CNTNAP2: variants seen among roughly 807,000 people sequenced by gnomAD.
CNTNAP2 encodes the protein contactin associated protein 2, also known as contactin-associated protein-like 2.
A neutral mutation model predicts 155.2 loss-of-function variants in CNTNAP2; 98 were observed. The ratio of observed to expected loss-of-function variants is 0.63; its 90% CI spans 0.54 to 0.75. The LOEUF (loss-of-function observed/expected upper bound fraction) is 0.75. CNTNAP2 is among the 30% of genes least tolerant of loss of function. The pLI is 0.00. For synonymous variants in CNTNAP2, 651 were observed against 631.2 expected, an observed-to-expected ratio of 1.03 and a Z score of -0.47; for missense variants, 1,727 against 1,688.1, an observed-to-expected ratio of 1.02 and a Z score of -0.40.
chr7:147,986,754 T>A (rs1292217550), intron 15 of CNTNAP2, among the ~76,000 whole-genome samples: 1 of 152,182 alleles, frequency 6.6e-6, no homozygotes, highest in Non-Finnish European at 1.5e-5. Context: ...TCAGAACTCT[T>A]AATCTTACTC....
At chr7:146,340,011 T>C (rs866892052) in intron 1 of CNTNAP2, among the ~76,000 whole-genome samples, 4 of 151,246 alleles carry the variant, frequency 2.6e-5, no homozygotes, top group African/African-American at 9.7e-5. Context: ...CTACTAGAAA[T>C]ACAAAAAATT....
chr7:146,973,904 T>C (rs1584759546), intron 3 of CNTNAP2, among the ~76,000 whole-genome samples: 1 of 152,316 alleles, frequency 6.6e-6, no homozygotes, highest in Middle Eastern at 3.4e-3. Flanking sequence ...TTCATGAATA[T>C]GAATTGAGCT....
chr7:147,906,290 CA>C (rs1466650212), intron 14 of CNTNAP2, among the ~76,000 whole-genome samples: 1 of 151,958 alleles, frequency 6.6e-6, no homozygotes, highest in Non-Finnish European at 1.5e-5. Flanking sequence ...CTCCCCGGTT[CA>C]AGCAATTCTC....
intron 15 of CNTNAP2, among the ~76,000 whole-genome samples, chr7:148,049,467 G>A (rs761060062): frequency 1.3e-5 from 2 of 151,878 alleles, no homozygotes; most frequent in African/African-American, 2.4e-5. Flanking sequence ...TACAAATTTG[G>A]ATATAAGAAA....
At chr7:147,478,319 AT>A (rs1798358054) in intron 10 of CNTNAP2, among the ~76,000 whole-genome samples, 1 of 151,780 alleles carries the variant, frequency 6.6e-6, no homozygotes. Context: ...CAGCCAGCTA[AT>A]TTTTGTATTT....
chr7:147,670,557 CTG>C (rs1795770055), intron 13 of CNTNAP2, among the ~76,000 whole-genome samples: 1 of 152,178 alleles, frequency 6.6e-6, no homozygotes, highest in South Asian at 2.1e-4. Context: ...ACATCAGAGA[CTG>C]TGGCTGGATG....
chr7:147,356,322 T>C (rs543416082), intron 9 of CNTNAP2, among the ~76,000 whole-genome samples: 45 of 152,112 alleles, frequency 3.0e-4, no homozygotes, highest in African/African-American at 1.1e-3. Flanking sequence ...CCACAGCCAA[T>C]ATCATATTGA....
intron 8 of CNTNAP2, among the ~76,000 whole-genome samples, chr7:147,252,224 C>G (rs1233159100): frequency 6.6e-6 from 1 of 152,128 alleles, no homozygotes; most frequent in Non-Finnish European, 1.5e-5. Context: ...AAAGATTAGG[C>G]TACTTGTAAG....
intron 13 of CNTNAP2, among the ~76,000 whole-genome samples, chr7:147,837,477 C>T (rs924022462): frequency 6.6e-6 from 1 of 152,034 alleles, no homozygotes; most frequent in Admixed American, 6.5e-5. Context: ...TGCCCCAGCC[C>T]CTCCCAAATC....
chr7:147,274,046 A>ACACACACAGACC (rs1804834742), intron 8 of CNTNAP2, among the ~76,000 whole-genome samples: 1 of 151,324 alleles, frequency 6.6e-6, no homozygotes, highest in Non-Finnish European at 1.5e-5. Flanking sequence ...ACACACAGAC[A>ACACACACAGACC]CACACACAAA....
chr7:147,330,609 G>C (rs977108461), intron 9 of CNTNAP2, among the ~76,000 whole-genome samples: 1 of 152,094 alleles, frequency 6.6e-6, no homozygotes, highest in Non-Finnish European at 1.5e-5. Context: ...TGAATTGTTG[G>C]ATAACCAGTT....
At position 147,764,110 on chromosome 7, in the gene CNTNAP2, G is replaced by A. The variant is rs574664991; in HGVS notation, c.2098+124804G>A. The stretch of plus-strand genomic sequence containing the variant: ...TCCCTTGTTCTCAAATCTCTATCTC[G>A]TGTATTCCAACCCTGTTTGCTATGG... On this transcript the variant is annotated intron_variant, in intron 13 of 23. Coordinates refer to ENST00000361727, the MANE Select transcript of CNTNAP2 (RefSeq NM_014141.6). Among the ~76,000 whole-genome samples, 14 of 151,934 alleles carry A rather than the reference G, an allele frequency of 9.2e-5. 1 individual carries two copies. The South Asian group carries it at 2.1e-3, about 23-fold the overall frequency.
intron 13 of CNTNAP2, among the ~76,000 whole-genome samples, chr7:147,685,509 CTTCA>C (rs762759005): frequency 1.3e-5 from 2 of 151,932 alleles, no homozygotes; most frequent in South Asian, 2.1e-4. Context: ...ACAATGGTGA[CTTCA>C]TTCATTCATT....
intron 12 of CNTNAP2, among the ~76,000 whole-genome samples, chr7:147,609,464 G>T (rs1801139623): frequency 6.6e-6 from 1 of 152,088 alleles, no homozygotes; most frequent in African/African-American, 2.4e-5. Flanking sequence ...CTGGGAGGCG[G>T]AACTTGCAGT....
intron 3 of CNTNAP2, among the ~76,000 whole-genome samples, chr7:146,890,556 TATAA>T (rs1164517204): frequency 6.6e-6 from 1 of 152,234 alleles, no homozygotes; most frequent in Admixed American, 6.5e-5. Flanking sequence ...TCTGTTGAGT[TATAA>T]TTTATTTTCC....
chr7:146,477,558 T>G (rs1220124642), intron 1 of CNTNAP2, among the ~76,000 whole-genome samples: 1 of 148,796 alleles, frequency 6.7e-6, no homozygotes, highest in Non-Finnish European at 1.5e-5. Context: ...TTAATTTAAC[T>G]ATTACTTTGT....
intron 1 of CNTNAP2, among the ~76,000 whole-genome samples, chr7:146,594,653 G>A (rs892688564): frequency 2.0e-5 from 3 of 151,816 alleles, no homozygotes; most frequent in Non-Finnish European, 2.9e-5. Flanking sequence ...AAAATCTTAC[G>A]CCAACCTTTT....
At chr7:147,043,645 G>A (rs1799301519) in intron 3 of CNTNAP2, among the ~76,000 whole-genome samples, 1 of 152,234 alleles carries the variant, frequency 6.6e-6, no homozygotes. Context: ...GAACACAACA[G>A]TGGATGCCAT....
chr7:148,416,080 C>CAGAAACTAGTTCGTGTTT lies in CNTNAP2; in HGVS notation c.*466_*483dup, dbSNP rs1799981818. ...TCTAGTCAACCTTAATGGGCTGTTA[C>CAGAAACTAGTTCGTGTTT]AGAAACTAGTTCGTGTTTATATACT... On this transcript the variant is annotated 3_prime_UTR_variant, in exon 24 of 24. Transcript: ENST00000361727. The CAGAAACTAGTTCGTGTTT allele has an allele frequency of 5.8e-6, 1 of 173,570 alleles. No homozygotes were observed. Among genetic ancestry groups the CAGAAACTAGTTCGTGTTT allele is most frequent in the Non-Finnish European group, 1.2e-5 (1 of 81,112 alleles). The allele number at this position is 173,570 out of a possible 1,614,324, so 10.8% of individuals were successfully genotyped here. A position where few individuals can be genotyped will look rare whatever the true frequency, so the allele number is the denominator to read the frequency against.
Sources: allele counts gnomAD v4.1 joint callset (sites outside exome capture counted in the v4.1 genomes callset), GRCh38; gene constraint gnomAD v4.1.1; transcripts MANE v1.5; gene names NCBI Gene and HGNC (gene_info 2026-07-23, HGNC 2026-07-21).